The following PTK2B variants were observed in gnomAD, a reference collection of about 807,000 sequenced individuals.
The protein encoded by PTK2B is protein tyrosine kinase 2 beta, also known as protein-tyrosine kinase 2-beta.
In PTK2B, 71 loss-of-function variants were observed where a neutral mutation model predicts 142.9. The ratio of observed to expected loss-of-function variants is 0.50; its 90% confidence interval spans 0.41 to 0.61. The LOEUF (loss-of-function observed/expected upper bound fraction) is 0.61, where lower values mean the gene tolerates loss of function less well. PTK2B is among the 20% of genes least tolerant of loss of function. PTK2B has a pLI of 0.00. For synonymous variants in PTK2B, 519 were observed against 503.4 expected (o/e 1.03, Z -0.42); for missense variants, 1,105 against 1,320.4 (o/e 0.84, Z 2.53).
At chr8:27,383,615 T>C (rs960887096) in intron 1 of PTK2B, among the ~76,000 whole-genome samples, 4 of 152,158 alleles carry the variant, frequency 2.6e-5, no homozygotes, top group Non-Finnish European at 5.9e-5. Context: ...CTTTCTTGGT[T>C]AAAAAATATC....
intron 23 of PTK2B, 34 bp from the exon 24 acceptor site, chr8:27,445,760 C>T (rs969712976): frequency 6.2e-7 from 1 of 1,611,442 alleles, no homozygotes; most frequent in Non-Finnish European, 8.5e-7. Context: ...TCGCTTTGTC[C>T]CGTGCCTTGT....
At chr8:27,358,183 G>C (rs539425369) in intron 1 of PTK2B, among the ~76,000 whole-genome samples, 1 of 152,196 alleles carries the variant, frequency 6.6e-6, no homozygotes, top group African/African-American at 2.4e-5. Flanking sequence ...TTCCCCCAGG[G>C]CAGCACAGGG....
intron 30 of PTK2B, among the ~76,000 whole-genome samples, chr8:27,456,473 G>A (rs1054162255): frequency 6.6e-5 from 10 of 152,216 alleles, no homozygotes; most frequent in African/African-American, 2.4e-4. Flanking sequence ...ATCAATAAAT[G>A]TTGTGTGTGT....
intron 11 of PTK2B, 136 bp from the exon 12 acceptor site, chr8:27,433,957 C>A: frequency 1.6e-6 from 2 of 1,226,624 alleles, no homozygotes; most frequent in Non-Finnish European, 2.4e-6. Context: ...GCCTCACTAG[C>A]TCCCAGGCTA....
intron 1 of PTK2B, among the ~76,000 whole-genome samples, chr8:27,328,688 C>G (rs1803560135): frequency 6.6e-6 from 1 of 152,170 alleles, no homozygotes; most frequent in East Asian, 1.9e-4. Flanking sequence ...TTTGCAAGAT[C>G]AAGGTTATGA....
At chr8:27,413,573 C>T (rs1303364564) in intron 2 of PTK2B, among the ~76,000 whole-genome samples, 1 of 152,242 alleles carries the variant, frequency 6.6e-6, no homozygotes, top group Admixed American at 6.5e-5. Flanking sequence ...AGACTCATGG[C>T]AGGAAGATCT....
chr8:27,424,966 G>A (rs1203378548), intron 5 of PTK2B, among the ~76,000 whole-genome samples: 1 of 152,144 alleles, frequency 6.6e-6, no homozygotes, highest in Non-Finnish European at 1.5e-5. Flanking sequence ...ATGGAGTCAT[G>A]TGTTTCCTGT....
chr8:27,337,529 G>C (rs554317927), intron 1 of PTK2B, among the ~76,000 whole-genome samples: 1 of 152,098 alleles, frequency 6.6e-6, no homozygotes, highest in Non-Finnish European at 1.5e-5. Flanking sequence ...CCACTCCCCC[G>C]TCCCCTGGCA....
chr8:27,421,162 A>T (rs1018040494), intron 4 of PTK2B, among the ~76,000 whole-genome samples: 1 of 152,226 alleles, frequency 6.6e-6, no homozygotes, highest in African/African-American at 2.4e-5. Flanking sequence ...CTGTAAAATT[A>T]TTATGGGAAT....
At chr8:27,330,195 G>A (rs972263292) in intron 1 of PTK2B, among the ~76,000 whole-genome samples, 2 of 152,108 alleles carry the variant, frequency 1.3e-5, no homozygotes, top group Non-Finnish European at 2.9e-5. Flanking sequence ...TAATAATAGC[G>A]TCGAAGTACA....
chr8:27,426,112 C>T (rs1413116724), intron 5 of PTK2B, among the ~76,000 whole-genome samples: 1 of 152,054 alleles, frequency 6.6e-6, no homozygotes, highest in Non-Finnish European at 1.5e-5. Flanking sequence ...AATACGTAAC[C>T]CCAGATTAGC....
rs189136072 is a variant in PTK2B, at chr8:27,370,600, G to T, written c.-37-26948G>T. On this transcript the variant is annotated intron_variant, in intron 1 of 30. Coordinates refer to ENST00000346049, the MANE Select transcript of PTK2B (RefSeq NM_173176.3). ...TCCACTCACCACCCATCCTCTATCTGCTGATCTGCTGTGTAGCTTCATCCA... is the reference window on the plus strand; with the variant it reads ...TCCACTCACCACCCATCCTCTATCTTCTGATCTGCTGTGTAGCTTCATCCA... Among the ~76,000 whole-genome samples the T allele has an allele frequency of 4.6e-5, 7 of 152,230 alleles. No individual in the cohort carries two copies. The East Asian group carries it at 1.4e-3, about 29-fold the overall frequency.
rs143701041 is a variant in PTK2B at position 27,384,746 on chromosome 8, G to A, written c.-37-12802G>A. On this transcript the variant is annotated intron_variant, in intron 1 of 30. Coordinates refer to ENST00000346049, the MANE Select transcript of PTK2B (RefSeq NM_173176.3). Reference sequence around the variant, plus strand: ...AGATGGCTAGGCCCCAACCCCCATGGTCTCCATGCACTAGGTCAGGTTAAG... The same window carrying A: ...AGATGGCTAGGCCCCAACCCCCATGATCTCCATGCACTAGGTCAGGTTAAG... Among the ~76,000 whole-genome samples the A allele has an allele frequency of 7.4e-3, 1,122 of 152,186 alleles. 17 individuals carry two copies. Among genetic ancestry groups the A allele is most frequent in the African/African-American group, 0.026 (1,072 of 41,498 alleles).
At chr8:27,315,538 T>C (rs1803075637) in intron 3 of PTK2B, among the ~76,000 whole-genome samples, 1 of 152,202 alleles carries the variant, frequency 6.6e-6, no homozygotes, top group African/African-American at 2.4e-5. Flanking sequence ...CTGTGTTCTC[T>C]TATCTCTGTG....
At chr8:27,347,494 C>T (rs926011834) in intron 1 of PTK2B, among the ~76,000 whole-genome samples, 1 of 151,280 alleles carries the variant, frequency 6.6e-6, no homozygotes, top group Non-Finnish European at 1.5e-5. Flanking sequence ...GCTGGAAGTC[C>T]AACATCAAGG....
At chr8:27,312,957 C>T (rs993127211) in intron 2 of PTK2B, among the ~76,000 whole-genome samples, 1 of 152,210 alleles carries the variant, frequency 6.6e-6, no homozygotes, top group African/African-American at 2.4e-5. Flanking sequence ...TCAATTCTTG[C>T]CTCCTTGGAA....
At position 27,439,421 on chromosome 8, in the gene PTK2B, A is replaced by C. The variant is rs376498413; in HGVS notation, c.1834+23A>C. 1.9e-6 allele frequency: 3 copies of C among 1,599,428 alleles called. No homozygotes were observed. The African/African-American group carries it at 4.0e-5, about 21-fold the overall frequency. On this transcript the variant is annotated intron_variant, in intron 20 of 30. Coordinates refer to ENST00000346049, the MANE Select transcript of PTK2B (RefSeq NM_173176.3). Reference sequence around the variant, plus strand: ...TCGGTGAGTGCTGATTTGGGAGGGCATGAAAAGGTGTTCAGATTCTCACTT... The same window carrying C: ...TCGGTGAGTGCTGATTTGGGAGGGCCTGAAAAGGTGTTCAGATTCTCACTT...
At chr8:27,335,934 G>GGTTGAA (rs1804034121) in intron 1 of PTK2B, among the ~76,000 whole-genome samples, 1 of 152,354 alleles carries the variant, frequency 6.6e-6, no homozygotes, top group South Asian at 2.1e-4. Flanking sequence ...GAAGTGAGAA[G>GGTTGAA]GCGAGGTACC....
intron 2 of PTK2B, among the ~76,000 whole-genome samples, chr8:27,409,044 C>T (rs902763575): frequency 1.3e-5 from 2 of 152,190 alleles, no homozygotes; most frequent in Non-Finnish European, 2.9e-5. Context: ...CTTGCACCAT[C>T]TCCCCGTGTG....
Sources: allele counts gnomAD v4.1 joint callset (sites outside exome capture counted in the v4.1 genomes callset), GRCh38; gene constraint gnomAD v4.1.1; transcripts MANE v1.5; gene names NCBI Gene and HGNC (gene_info 2026-07-23, HGNC 2026-07-21).